FCAMR: variants seen among roughly 807,000 people sequenced by gnomAD.
FCAMR encodes high affinity immunoglobulin alpha and immunoglobulin mu Fc receptor.
FCAMR carries 51 observed loss-of-function variants against 52.2 expected under a neutral mutation model. The ratio of observed to expected loss-of-function variants is 0.98; its 90% CI spans 0.78 to 1.23. The LOEUF is 1.23. Ranked by LOEUF, FCAMR falls within the 50% of genes most tolerant of loss-of-function variation. The pLI, the probability that FCAMR is intolerant of heterozygous loss-of-function variation, is 0.00. For synonymous variants in FCAMR, 282 were observed against 262.0 expected, an observed-to-expected ratio of 1.08 and a Z score of -0.74; for missense variants, 719 against 712.6, an observed-to-expected ratio of 1.01 and a Z score of -0.10.
chr1:206,961,037 C>G lies in FCAMR; in HGVS notation c.839G>C (p.Gly280Ala). Residue 280 changes from glycine (G) to alanine (A), a missense_variant, in exon 6 of 8, where the codon GGA (glycine) becomes GCA (alanine). Gly to Ala is a moderately conservative substitution (Grantham distance 60, BLOSUM62 0). Coordinates refer to ENST00000324852, the MANE Select transcript of FCAMR (RefSeq NM_001170631.2). ...CCTGGTTGCTCCTGGGGTTCGTCTT[C>G]CCTCAGCTGAAGCTGTAGTCTTGCT... ...GTSKTTASAE[G>A]RRTPGATRPA... 6.4e-7 allele frequency: 1 copy of G among 1,551,906 alleles called. No individual in the cohort carries two copies. The highest frequency in any genetic ancestry group is 8.7e-7 in the Non-Finnish European group (1 of 1,147,050).
intron 1 of FCAMR, among the ~76,000 whole-genome samples, chr1:206,968,351 A>AAC (rs1680796753): frequency 1.4e-5 from 2 of 146,726 alleles, no homozygotes; most frequent in Admixed American, 1.4e-4. Flanking sequence ...ACAACAACAA[A>AAC]AAAGACAGAG....
Position 206,961,042 on chromosome 1 carries a change from A to C in FCAMR, c.834T>G (p.Ala278=). The C allele has an allele frequency of 6.4e-7, 1 of 1,551,768 alleles. No homozygotes were observed. The highest frequency in any genetic ancestry group is 8.7e-7 in the Non-Finnish European group (1 of 1,147,018). Residue 278 remains alanine (A), a synonymous_variant, in exon 6 of 8, where the codon GCT becomes GCG. Coordinates refer to ENST00000324852, the MANE Select transcript of FCAMR (RefSeq NM_001170631.2). ...TPGTSKTTAS[A]EGRRTPGATR... The stretch of plus-strand genomic sequence containing the variant: ...TTGCTCCTGGGGTTCGTCTTCCCTC[A>C]GCTGAAGCTGTAGTCTTGCTGGTTC...
intron 7 of FCAMR, 30 bp from the exon 8 acceptor site, chr1:206,958,706 T>C: frequency 6.2e-7 from 1 of 1,613,726 alleles, no homozygotes. Context: ...ACTGTGAGGG[T>C]TCTGGGTAAG....
chr1:206,962,951 C>T (rs918080821), intron 4 of FCAMR, among the ~76,000 whole-genome samples: 3 of 152,186 alleles, frequency 2.0e-5, no homozygotes, highest in African/African-American at 4.8e-5. Flanking sequence ...ACAGTCCAAA[C>T]TATGCCACCA....
Position 206,959,710 on chromosome 1 carries a change from T to C in FCAMR, c.1542A>G (p.Leu514=), listed in dbSNP as rs377566751. ...LALFMLMALV[L]LQRKLWRRRT... is the part of the protein sequence containing the mutation. ...TCCTTCTCCAGAGCTTCCTTTGCAATAGAACCAGAGCCATAAGCATAAACA... is the reference window on the plus strand; with the variant it reads ...TCCTTCTCCAGAGCTTCCTTTGCAACAGAACCAGAGCCATAAGCATAAACA... Residue 514 remains leucine (L), a synonymous_variant, in exon 7 of 8, where the codon CTA becomes CTG. Transcript: ENST00000324852. The C allele has an allele frequency of 1.9e-6, 3 of 1,613,728 alleles. No homozygotes were observed. The highest frequency in any genetic ancestry group is 1.7e-5 in the Admixed American group (1 of 59,984).
intron 1 of FCAMR, 131 bp downstream of exon 1, chr1:206,969,956 C>T: frequency 9.5e-7 from 1 of 1,056,790 alleles, no homozygotes; most frequent in African/African-American, 1.6e-5. Flanking sequence ...AGAACCCTTA[C>T]CTGGCCTCCT....
chr1:206,958,512 T>G lies in FCAMR; in HGVS notation c.*4A>C, dbSNP rs1425278349. ...GGTAACTGAGCAGTTCATCTCTCTG[T>G]CCCTCAGGGTCCTGGATTTCTCTCT... On this transcript the variant is annotated 3_prime_UTR_variant, in exon 8 of 8. Coordinates refer to ENST00000324852, the MANE Select transcript of FCAMR (RefSeq NM_001170631.2). 1 of 1,610,298 alleles carries G rather than the reference T, an allele frequency of 6.2e-7. No individual in the cohort carries two copies. Among genetic ancestry groups the G allele is most frequent in the Admixed American group, 1.7e-5 (1 of 59,856 alleles).
rs138161988 is a variant in FCAMR at position 206,966,112 on chromosome 1, C to A, written c.170-254G>T. ...AAGAGGGAAGGCAGCAACCACACCC[C>A]CTTCCTGGACTGCAGGCCTTGAGGG... On this transcript the variant is annotated intron_variant, in intron 3 of 7. Transcript: ENST00000324852. Among the ~76,000 whole-genome samples the A allele has an allele frequency of 2.6e-5, 4 of 152,300 alleles. No individual in the cohort carries two copies. The South Asian group carries it at 6.2e-4, about 24-fold the overall frequency.
chr1:206,970,067 A>G lies in FCAMR; in HGVS notation c.39+20T>C. 2 of 1,614,082 alleles carry G rather than the reference A, an allele frequency of 1.2e-6. No individual in the cohort carries two copies. The highest frequency in any genetic ancestry group is 1.1e-5 in the South Asian group (1 of 91,080). On this transcript the variant is annotated intron_variant, in intron 1 of 7. Coordinates refer to ENST00000324852, the MANE Select transcript of FCAMR (RefSeq NM_001170631.2). The stretch of plus-strand genomic sequence containing the variant: ...ATTCAGAGGCAAGATCCCAACCTCC[A>G]GGAGAAAGCATCATTTCACCTTTTG...
chr1:206,963,294 C>T (rs1477622897), intron 4 of FCAMR, among the ~76,000 whole-genome samples: 1 of 152,156 alleles, frequency 6.6e-6, no homozygotes, highest in Non-Finnish European at 1.5e-5. Context: ...ATGAATATGT[C>T]TGCTTGGCAA....
At chr1:206,967,030 C>G (rs1221144145) in intron 3 of FCAMR, 22 bp downstream of exon 3, 1 of 1,613,340 alleles carries the variant, frequency 6.2e-7, no homozygotes, top group Non-Finnish European at 8.5e-7. Flanking sequence ...AGCCCTGAAC[C>G]TGGGCTGGGT....
chr1:206,968,040 G>T (rs543431675), intron 1 of FCAMR, among the ~76,000 whole-genome samples: 2 of 152,306 alleles, frequency 1.3e-5, no homozygotes, highest in African/African-American at 4.8e-5. Context: ...GCTTGCTGAT[G>T]AAAAAGACAG....
chr1:206,962,942 C>T (rs181614154), intron 4 of FCAMR, among the ~76,000 whole-genome samples: 2 of 152,298 alleles, frequency 1.3e-5, no homozygotes, highest in African/African-American at 4.8e-5. Context: ...TTAGACAACA[C>T]AGTCCAAACT....
chr1:206,962,184 A>G, intron 5 of FCAMR, 29 bp downstream of exon 5: 1 of 1,601,222 alleles, frequency 6.2e-7, no homozygotes, highest in South Asian at 1.1e-5. Flanking sequence ...TGCTTCACCA[A>G]GCTTGGCCCA....
chr1:206,964,636 C>T (rs748741001), intron 4 of FCAMR, among the ~76,000 whole-genome samples: 2 of 151,792 alleles, frequency 1.3e-5, no homozygotes, highest in Non-Finnish European at 1.5e-5. Flanking sequence ...TGTAAGCAAA[C>T]GCTCCCTAAA....
At chr1:206,959,587 A>G in intron 7 of FCAMR, 92 bp downstream of exon 7, 2 of 936,086 alleles carry the variant, frequency 2.1e-6, no homozygotes, top group South Asian at 2.8e-5. Flanking sequence ...CTACATTGAA[A>G]AGTCCTGGCA....
At chr1:206,965,616 G>T in intron 4 of FCAMR, 99 bp downstream of exon 4, 2 of 1,384,922 alleles carry the variant, frequency 1.4e-6, no homozygotes, top group Non-Finnish European at 1.9e-6. Context: ...CATTAGGAGA[G>T]GCTAGGGCTG....
intron 1 of FCAMR, chr1:206,969,478 G>C (rs1046496423): frequency 2.9e-6 from 1 of 348,582 alleles, no homozygotes; most frequent in Admixed American, 3.6e-5. Context: ...ACAGGCTTCT[G>C]TTACTGCACA....
At chr1:206,969,061 G>A (rs12096924) in intron 1 of FCAMR, among the ~76,000 whole-genome samples, 3,792 of 152,256 alleles carry the variant, frequency 0.025, 154 homozygotes, top group African/African-American at 0.087. Context: ...TCCCCACCTG[G>A]AGACTCTCCC....
Sources: allele counts gnomAD v4.1 joint callset (sites outside exome capture counted in the v4.1 genomes callset), GRCh38; gene constraint gnomAD v4.1.1; transcripts MANE v1.5; gene names NCBI Gene and HGNC (gene_info 2026-07-23, HGNC 2026-07-21).